Variants in KAZN observed in about 807,000 individuals in gnomAD.
The protein encoded by KAZN is kazrin.
KAZN carries 40 observed loss-of-function variants against 87.4 expected under a neutral mutation model. That is an observed-to-expected ratio of 0.46 (90% CI 0.36 to 0.60). The LOEUF (loss-of-function observed/expected upper bound fraction) is 0.60, where lower values mean the gene tolerates loss of function less well. Among genes scored for constraint, KAZN ranks in the 20% least tolerant of loss-of-function variants. The probability of loss-of-function intolerance (pLI) is 0.00; values close to 1 mark genes in which losing one functional copy is unlikely to be tolerated. For synonymous variants in KAZN, 466 were observed against 458.3 expected (o/e 1.02, Z -0.22); for missense variants, 898 against 1,073.9 (o/e 0.84, Z 2.29).
intron 2 of KAZN, among the ~76,000 whole-genome samples, chr1:14,455,420 G>A (rs17397415): frequency 0.58 from 88,038 of 151,948 alleles, 26,140 homozygotes; most frequent in African/African-American, 0.7. Context: ...ACAGAATACC[G>A]GGATGCGGGG....
At chr1:14,019,091 T>C (rs1640704499) in intron 1 of KAZN, among the ~76,000 whole-genome samples, 1 of 152,218 alleles carries the variant, frequency 6.6e-6, no homozygotes, top group South Asian at 2.1e-4. Flanking sequence ...ATAGATTTAA[T>C]TAGTACTGAC....
chr1:14,765,529 A>C (rs1644861117), intron 1 of KAZN, among the ~76,000 whole-genome samples: 1 of 152,290 alleles, frequency 6.6e-6, no homozygotes, highest in South Asian at 2.1e-4. Context: ...AGAAGCAGCT[A>C]AGGTGGAATT....
chr1:15,085,353 A>T (rs10803348), intron 8 of KAZN, among the ~76,000 whole-genome samples: 12,263 of 152,144 alleles, frequency 0.081, 517 homozygotes, highest in Middle Eastern at 0.16. Context: ...TTTGAGATGG[A>T]GTTTCACTCT....
chr1:14,249,372 A>G (rs1348451471), intron 2 of KAZN, among the ~76,000 whole-genome samples: 2 of 152,262 alleles, frequency 1.3e-5, no homozygotes, highest in Non-Finnish European at 2.9e-5. Flanking sequence ...GGATCAAGAC[A>G]GAGATTGAAT....
chr1:14,782,239 T>C (rs1200970490), intron 1 of KAZN, among the ~76,000 whole-genome samples: 1 of 152,148 alleles, frequency 6.6e-6, no homozygotes, highest in Non-Finnish European at 1.5e-5. Flanking sequence ...GTATGATTCT[T>C]AGCTCCTCAT....
intron 1 of KAZN, among the ~76,000 whole-genome samples, chr1:14,659,332 T>G (rs1009957372): frequency 5.9e-5 from 9 of 152,150 alleles, no homozygotes; most frequent in African/African-American, 1.9e-4. Context: ...GAATTAGAGA[T>G]AGTTCTATAG....
intron 1 of KAZN, among the ~76,000 whole-genome samples, chr1:14,907,599 C>A (rs148696785): frequency 6.6e-6 from 1 of 152,018 alleles, no homozygotes; most frequent in Non-Finnish European, 1.5e-5. Flanking sequence ...GGTACAAAGA[C>A]GAGGGCATGA....
chr1:14,890,361 G>A (rs1384739698), intron 1 of KAZN, among the ~76,000 whole-genome samples: 3 of 152,320 alleles, frequency 2.0e-5, no homozygotes, highest in Admixed American at 6.5e-5. Context: ...AGAATGGCAC[G>A]CAGACCCAGA....
intron 1 of KAZN, among the ~76,000 whole-genome samples, chr1:13,940,283 A>AT (rs35052658): frequency 3.3e-5 from 5 of 149,488 alleles, no homozygotes; most frequent in Non-Finnish European, 4.5e-5. Context: ...CTGTTGGGAG[A>AT]TTTTTTTTTT....
chr1:14,379,520 A>G (rs2101043421), intron 2 of KAZN, among the ~76,000 whole-genome samples: 1 of 152,240 alleles, frequency 6.6e-6, no homozygotes, highest in Middle Eastern at 3.4e-3. Context: ...ACTGTCCTGA[A>G]GGGTGAGTCC....
At chr1:14,865,955 C>A (rs950279860) in intron 1 of KAZN, among the ~76,000 whole-genome samples, 3 of 152,146 alleles carry the variant, frequency 2.0e-5, no homozygotes, top group Admixed American at 1.3e-4. Context: ...TCTCCTGAAG[C>A]CTTCAGAGGG....
intron 1 of KAZN, among the ~76,000 whole-genome samples, chr1:14,010,450 C>T (rs1449230185): frequency 4.6e-5 from 7 of 152,170 alleles, no homozygotes; most frequent in Admixed American, 3.3e-4. Flanking sequence ...AGGATGCCAG[C>T]GATGAAGCAG....
chr1:14,249,997 G>A (rs909312643), intron 2 of KAZN, among the ~76,000 whole-genome samples: 1 of 152,058 alleles, frequency 6.6e-6, no homozygotes, highest in African/African-American at 2.4e-5. Context: ...CCCCAAAGCA[G>A]CAAAAAAGCA....
intron 2 of KAZN, among the ~76,000 whole-genome samples, chr1:14,302,752 G>A (rs554673237): frequency 1.3e-5 from 2 of 152,248 alleles, no homozygotes; most frequent in Non-Finnish European, 2.9e-5. Context: ...TGCTTTTATG[G>A]GGAAGGTCAT....
rs531382799 is a variant in KAZN, at chr1:14,856,040, T to C, written c.227-104644T>C. Among the ~76,000 whole-genome samples, 83 of 152,354 alleles carry C rather than the reference T, an allele frequency of 5.4e-4. No individual in the cohort carries two copies. The highest frequency in any genetic ancestry group is 3.4e-3 in the Middle Eastern group (1 of 294). On this transcript the variant is annotated intron_variant, in intron 1 of 14. Coordinates refer to ENST00000376030, the MANE Select transcript of KAZN (RefSeq NM_201628.3). This position sits in a 1 kb window ranked among gnomAD's most constrained non-coding sequence, Gnocchi z 5.2. The stretch of plus-strand genomic sequence containing the variant: ...ACAAGGAGCACATTAGTAATTGGAA[T>C]GTGACATTGGGATATGGCAGGTGAG...
In KAZN at chr1:14,270,544, C is replaced by T. The variant is rs150804421; in HGVS notation, c.249+89952C>T. On this transcript the variant is annotated intron_variant, in intron 2 of 16. Transcript: ENST00000636203. ...GGATTGAATGACATAATGAAGGTGG[C>T]ATCCTGGCACATAGTCAGGACTCAG... Among the ~76,000 whole-genome samples, 667 of 152,252 alleles carry T rather than the reference C, an allele frequency of 4.4e-3. 6 individuals carry two copies. The highest frequency in any genetic ancestry group is 8.1e-3 in the Non-Finnish European group (551 of 68,010).
chr1:14,758,350 A>ATTTG (rs1193048655), intron 1 of KAZN, among the ~76,000 whole-genome samples: 2 of 151,712 alleles, frequency 1.3e-5, no homozygotes, highest in African/African-American at 4.8e-5. Context: ...TTATTTATTT[A>ATTTG]TTTTTAGAGT....
intron 1 of KAZN, among the ~76,000 whole-genome samples, chr1:14,834,217 G>C (rs1055566905): frequency 1.3e-5 from 2 of 151,888 alleles, no homozygotes; most frequent in Non-Finnish European, 2.9e-5. Context: ...TGTATTTTTA[G>C]TAGAGATGGG....
intron 2 of KAZN, among the ~76,000 whole-genome samples, chr1:14,434,784 C>T (rs1341967237): frequency 6.6e-6 from 1 of 152,028 alleles, no homozygotes; most frequent in Admixed American, 6.6e-5. Flanking sequence ...ACCTCCTCTC[C>T]ATGGGGCACT....
Sources: allele counts gnomAD v4.1 joint callset (sites outside exome capture counted in the v4.1 genomes callset), GRCh38; gene constraint gnomAD v4.1.1; non-coding constraint Gnocchi (gnomAD v3.1); transcripts MANE v1.5; gene names NCBI Gene and HGNC (gene_info 2026-07-23, HGNC 2026-07-21).